The following GBE1 variants were observed in gnomAD, a reference collection of about 807,000 sequenced individuals.
The protein encoded by GBE1 is 1,4-alpha-glucan-branching enzyme.
Under a neutral mutation model 88.8 loss-of-function variants are expected in GBE1, and 70 were observed. The observed-to-expected ratio is 0.79, with a 90% CI of 0.65 to 0.96. The LOEUF is 0.96. GBE1 is among the 40% of genes least tolerant of loss of function. The pLI, the probability that GBE1 is intolerant of heterozygous loss-of-function variation, is 0.00. For missense variants in GBE1, 872 were observed against 871.0 expected, an observed-to-expected ratio of 1.00 and a Z score of -0.01; for synonymous variants, 284 against 300.1, an observed-to-expected ratio of 0.95 and a Z score of 0.56.
chr3:81,701,109 G>C (rs1365384083), intron 2 of GBE1, among the ~76,000 whole-genome samples: 1 of 152,154 alleles, frequency 6.6e-6, no homozygotes, highest in Non-Finnish European at 1.5e-5. Flanking sequence ...AGTCTTTGCT[G>C]TATTGCAGAT....
chr3:81,626,488 C>T (rs1704418355), intron 7 of GBE1, among the ~76,000 whole-genome samples: 1 of 152,082 alleles, frequency 6.6e-6, no homozygotes, highest in Non-Finnish European at 1.5e-5. Flanking sequence ...AAGCCTTGAG[C>T]AAGCGTTCCT....
chr3:81,567,651 T>C (rs1276398757), intron 12 of GBE1, among the ~76,000 whole-genome samples: 3 of 152,202 alleles, frequency 2.0e-5, no homozygotes, highest in Non-Finnish European at 4.4e-5. Context: ...CCTCTCTTTG[T>C]CTTATGGCCA....
chr3:81,608,869 T>C (rs1704135729), intron 7 of GBE1, among the ~76,000 whole-genome samples: 2 of 152,298 alleles, frequency 1.3e-5, no homozygotes, highest in South Asian at 4.1e-4. Context: ...AGAGTTAGAT[T>C]GACATAAGAC....
chr3:81,522,809 A>T (rs187648229), intron 14 of GBE1, among the ~76,000 whole-genome samples: 1 of 151,702 alleles, frequency 6.6e-6, no homozygotes, highest in African/African-American at 2.4e-5. Context: ...ATATTTCTTC[A>T]TGGTTCTCTT....
At chr3:81,669,635 C>A (rs202211511) in intron 3 of GBE1, among the ~76,000 whole-genome samples, 21 of 150,358 alleles carry the variant, frequency 1.4e-4, no homozygotes, top group East Asian at 7.8e-4. Flanking sequence ...AAAAAAAAAA[C>A]ACACACACAC....
Position 81,591,130 on chromosome 3 carries a change from G to C in GBE1, c.1143C>G (p.Phe381Leu), listed in dbSNP as rs1385414901. 1 of 1,605,962 alleles carries C rather than the reference G, an allele frequency of 6.2e-7. No individual in the cohort carries two copies. The highest frequency in any genetic ancestry group is 1.3e-5 in the African/African-American group (1 of 74,886). ...AGGCATCTTCATCTACTTGTAGTCC[G>C]AAATATTCACTGTAATCACCTGAGA... ...QGFSGDYSEYFGLQVDEDALT... is the reference protein window; with the variant it reads ...QGFSGDYSEYLGLQVDEDALT... Residue 381 changes from phenylalanine to leucine, a missense_variant, in exon 9 of 16, where the codon TTC becomes TTG. Phe to Leu is a conservative substitution (Grantham distance 22). Transcript: ENST00000429644.
intron 12 of GBE1, among the ~76,000 whole-genome samples, chr3:81,559,567 T>G (rs1018834107): frequency 9.2e-5 from 14 of 151,904 alleles, no homozygotes; most frequent in African/African-American, 3.4e-4. Context: ...CTATTGTATC[T>G]AAGGTTTTAT....
intron 12 of GBE1, among the ~76,000 whole-genome samples, chr3:81,558,292 T>C (rs1703374665): frequency 6.6e-6 from 1 of 152,018 alleles, no homozygotes; most frequent in African/African-American, 2.4e-5. Context: ...TTCAGTCCAA[T>C]GCTTACTGCT....
intron 14 of GBE1, among the ~76,000 whole-genome samples, chr3:81,508,041 GGTTAAT>G (rs1399304305): frequency 6.6e-6 from 1 of 152,002 alleles, no homozygotes; most frequent in East Asian, 1.9e-4. Context: ...CTATCTACCA[GGTTAAT>G]TATTGGATTA....
At chr3:81,700,686 T>A (rs1168947816) in intron 2 of GBE1, among the ~76,000 whole-genome samples, 1 of 151,996 alleles carries the variant, frequency 6.6e-6, no homozygotes, top group Non-Finnish European at 1.5e-5. Context: ...AAAACTTATA[T>A]AACTGAAAAA....
intron 7 of GBE1, among the ~76,000 whole-genome samples, chr3:81,639,350 T>TTTA (rs1553687943): frequency 6.6e-6 from 1 of 151,442 alleles, no homozygotes; most frequent in Non-Finnish European, 1.5e-5. Context: ...TATTTTTTTT[T>TTTA]AAAAAAAATG....
intron 7 of GBE1, chr3:81,612,951 G>T: frequency 2.6e-6 from 1 of 388,452 alleles, no homozygotes. Context: ...TGATGATGAT[G>T]ATGACGATGA....
At chr3:81,583,607 T>G (rs1398402921) in intron 10 of GBE1, among the ~76,000 whole-genome samples, 1 of 151,950 alleles carries the variant, frequency 6.6e-6, no homozygotes, top group Non-Finnish European at 1.5e-5. Context: ...CTTGGATAAA[T>G]CTCGAGAAAA....
At chr3:81,653,912 C>T (rs573739371) in intron 3 of GBE1, among the ~76,000 whole-genome samples, 3 of 152,172 alleles carry the variant, frequency 2.0e-5, no homozygotes, top group South Asian at 4.2e-4. Context: ...AAAATATAAG[C>T]GGTTTAGTAA....
intron 2 of GBE1, among the ~76,000 whole-genome samples, chr3:81,701,427 CTATT>C (rs1705684358): frequency 6.6e-6 from 1 of 151,884 alleles, no homozygotes; most frequent in South Asian, 2.1e-4. Context: ...GCAAAACAGA[CTATT>C]TTACTTTTGC....
At chr3:81,493,764 G>A (rs937632424) in intron 15 of GBE1, among the ~76,000 whole-genome samples, 3 of 151,696 alleles carry the variant, frequency 2.0e-5, no homozygotes, top group African/African-American at 7.3e-5. Flanking sequence ...TCGAACTCCC[G>A]ACCTCAGCTG....
In GBE1 at chr3:81,691,085, G is replaced by A. The variant is rs372963391; in HGVS notation, c.313+14359C>T. Reference sequence around the variant, plus strand: ...GGTGTAAAACAAAATAAAGTCCAGAGGAGGATAATCCATCTGCTTGCAACA... The same window carrying A: ...GGTGTAAAACAAAATAAAGTCCAGAAGAGGATAATCCATCTGCTTGCAACA... On this transcript the variant is annotated intron_variant, in intron 2 of 15. Coordinates refer to ENST00000429644, the MANE Select transcript of GBE1 (RefSeq NM_000158.4). Among the ~76,000 whole-genome samples, 119 of 152,232 alleles carry A rather than the reference G, an allele frequency of 7.8e-4. 6 individuals are homozygous for A. In the South Asian group the frequency reaches 0.024, roughly 30 times the overall value.
chr3:81,639,238 A>T (rs1704634694), intron 7 of GBE1, among the ~76,000 whole-genome samples: 1 of 152,178 alleles, frequency 6.6e-6, no homozygotes, highest in Admixed American at 6.5e-5. Context: ...GCTAAATACA[A>T]GTATGTTGTT....
intron 3 of GBE1, among the ~76,000 whole-genome samples, chr3:81,652,926 G>A (rs1043885468): frequency 1.3e-5 from 2 of 151,996 alleles, no homozygotes. Flanking sequence ...AATTCCAGTC[G>A]GAAAAATTTT....
Sources: allele counts gnomAD v4.1 joint callset (sites outside exome capture counted in the v4.1 genomes callset), GRCh38; gene constraint gnomAD v4.1.1; transcripts MANE v1.5; gene names NCBI Gene and HGNC (gene_info 2026-07-23, HGNC 2026-07-21).